Variants in CENPP observed in about 807,000 individuals in gnomAD.
CENPP encodes centromere protein P.
In CENPP, 24 loss-of-function variants were observed where a neutral mutation model predicts 35.6. The observed-to-expected ratio is 0.67, with a 90% CI of 0.49 to 0.95. The LOEUF is 0.95. CENPP is among the 40% of genes least tolerant of loss of function. CENPP has a pLI of 0.00. For synonymous variants in CENPP, 120 were observed against 125.5 expected (o/e 0.96, Z 0.29); for missense variants, 332 against 345.3 (o/e 0.96, Z 0.31).
intron 2 of CENPP, among the ~76,000 whole-genome samples, chr9:92,335,069 C>A (rs1362098050): frequency 6.6e-6 from 1 of 151,862 alleles, no homozygotes; most frequent in Non-Finnish European, 1.5e-5. Flanking sequence ...GCCTGTAGTA[C>A]CAGCTGCTCG....
chr9:92,497,892 A>G (rs1588182880), intron 5 of CENPP, among the ~76,000 whole-genome samples: 1 of 135,438 alleles, frequency 7.4e-6, no homozygotes, highest in African/African-American at 3.0e-5. Flanking sequence ...AAAAAAAAAA[A>G]AGAAGTCTGG....
intron 3 of CENPP, among the ~76,000 whole-genome samples, chr9:92,341,310 C>T (rs1841110950): frequency 6.6e-6 from 1 of 152,142 alleles, no homozygotes; most frequent in South Asian, 2.1e-4. Flanking sequence ...CTCCACTTGC[C>T]TTGTGATATT....
At chr9:92,451,590 T>C (rs552619782) in intron 5 of CENPP, among the ~76,000 whole-genome samples, 21 of 151,834 alleles carry the variant, frequency 1.4e-4, no homozygotes, top group Non-Finnish European at 2.5e-4. Context: ...GCTCTTTTTT[T>C]GGTTCCATAT....
chr9:92,565,487 T>C (rs1265589980), intron 5 of CENPP, among the ~76,000 whole-genome samples: 1 of 152,072 alleles, frequency 6.6e-6, no homozygotes, highest in Non-Finnish European at 1.5e-5. Flanking sequence ...CTTAACAAAG[T>C]AGTAGCTACC....
intron 5 of CENPP, among the ~76,000 whole-genome samples, chr9:92,437,088 GC>G (rs2130996292): frequency 1.3e-5 from 2 of 152,268 alleles, no homozygotes; most frequent in East Asian, 3.9e-4. Context: ...TGTAATCCCA[GC>G]TACTTAGGAG....
intron 4 of CENPP, among the ~76,000 whole-genome samples, chr9:92,346,524 T>C (rs1310761066): frequency 6.6e-6 from 1 of 152,158 alleles, no homozygotes. Context: ...GTAAGGTCCA[T>C]ACTACTGGGA....
At chr9:92,531,286 A>C (rs1848733065) in intron 5 of CENPP, among the ~76,000 whole-genome samples, 3 of 151,980 alleles carry the variant, frequency 2.0e-5, no homozygotes, top group Admixed American at 1.3e-4. Flanking sequence ...TTCTTTGTAG[A>C]GATTACCACA....
At chr9:92,442,334 G>A (rs1042420098) in intron 5 of CENPP, among the ~76,000 whole-genome samples, 2 of 145,516 alleles carry the variant, frequency 1.4e-5, no homozygotes, top group Admixed American at 1.4e-4. Flanking sequence ...GGAGGCGGAG[G>A]TTGCAGTGAG....
chr9:92,605,555 G>A (rs370523536), intron 5 of CENPP, among the ~76,000 whole-genome samples: 11 of 152,086 alleles, frequency 7.2e-5, no homozygotes, highest in African/African-American at 2.2e-4. Flanking sequence ...GAAAGCAGGA[G>A]TCTTTTCAAC....
intron 5 of CENPP, among the ~76,000 whole-genome samples, chr9:92,466,006 T>C (rs1040011136): frequency 1.3e-5 from 2 of 152,068 alleles, no homozygotes; most frequent in African/African-American, 4.8e-5. Flanking sequence ...CTAATTTTTG[T>C]ATTTTTAGTA....
chr9:92,459,681 T>C, intron 5 of CENPP: 3 of 1,613,326 alleles, frequency 1.9e-6, no homozygotes, highest in Non-Finnish European at 2.5e-6. Flanking sequence ...TTTTAGTTTA[T>C]TGTTTTCCAA....
intron 5 of CENPP, among the ~76,000 whole-genome samples, chr9:92,559,098 C>G (rs930504966): frequency 6.6e-6 from 1 of 152,206 alleles, no homozygotes; most frequent in South Asian, 2.1e-4. Flanking sequence ...CCTCTGAAGT[C>G]TGCACACTGG....
intron 5 of CENPP, among the ~76,000 whole-genome samples, chr9:92,425,259 TAGTC>T (rs1231396437): frequency 3.3e-5 from 5 of 152,208 alleles, no homozygotes; most frequent in African/African-American, 1.2e-4. Context: ...CAGATAAAAT[TAGTC>T]AGTTGGTTGC....
chr9:92,541,246 G>A (rs777053435), intron 5 of CENPP, among the ~76,000 whole-genome samples: 14 of 152,122 alleles, frequency 9.2e-5, no homozygotes, highest in East Asian at 3.9e-4. Context: ...GTGACAGAGC[G>A]AGACTCCATC....
chr9:92,409,292 T>C (rs1018671891), intron 5 of CENPP, among the ~76,000 whole-genome samples: 2 of 152,210 alleles, frequency 1.3e-5, no homozygotes, highest in Admixed American at 1.3e-4. Flanking sequence ...CTCTTATGCT[T>C]TATTTCCAAG....
chr9:92,550,180 G>A (rs890071134), intron 5 of CENPP, among the ~76,000 whole-genome samples: 1 of 152,100 alleles, frequency 6.6e-6, no homozygotes, highest in African/African-American at 2.4e-5. Flanking sequence ...GGAGGATCAC[G>A]AGGTCAGGAG....
rs552213751 is a variant in CENPP at position 92,455,049 on chromosome 9, C to T, written c.564+75190C>T. On this transcript the variant is annotated intron_variant, in intron 5 of 7. Coordinates refer to ENST00000375587, the MANE Select transcript of CENPP (RefSeq NM_001012267.3). ...GATTTTGCCCTACCTTCCACCACTCCCTGCAGGGACATTTGTCAATTTCTG... is the reference window on the plus strand; with the variant it reads ...GATTTTGCCCTACCTTCCACCACTCTCTGCAGGGACATTTGTCAATTTCTG... 5.3e-5 allele frequency among the ~76,000 whole-genome samples: 8 copies of T among 152,280 alleles called. No individual in the cohort carries two copies. In the South Asian group the frequency reaches 1.7e-3, roughly 32 times the overall value.
At chr9:92,479,543 A>T (rs1162534729) in intron 5 of CENPP, among the ~76,000 whole-genome samples, 2 of 152,132 alleles carry the variant, frequency 1.3e-5, no homozygotes, top group Admixed American at 6.5e-5. Flanking sequence ...TGGAACAGGG[A>T]GCATATCCAC....
At chr9:92,538,182 C>A (rs1212363486) in intron 5 of CENPP, among the ~76,000 whole-genome samples, 1 of 152,104 alleles carries the variant, frequency 6.6e-6, no homozygotes, top group Admixed American at 6.5e-5. Flanking sequence ...AAAGTTAACC[C>A]AGTTGTGTAT....
Sources: gnomAD v4.1 joint callset for allele counts (sites outside exome capture counted in the v4.1 genomes callset) on GRCh38, gnomAD v4.1.1 for gene constraint, MANE v1.5 for transcripts, NCBI Gene and HGNC (gene_info 2026-07-23, HGNC 2026-07-21) for gene names.